Variants in CCDC171 observed in about 807,000 individuals in gnomAD.
CCDC171 encodes the protein coiled-coil domain-containing protein 171.
Under a neutral mutation model 168.2 loss-of-function variants are expected in CCDC171, and 177 were observed. That is an observed-to-expected ratio of 1.05 (90% CI 0.93 to 1.19). CCDC171 has a LOEUF of 1.19. CCDC171 is among the 50% of genes most tolerant of loss of function. CCDC171 has a pLI of 0.00. For missense variants in CCDC171, 1,991 were observed against 1,539.0 expected, an observed-to-expected ratio of 1.29 and a Z score of -4.91; for synonymous variants, 687 against 540.8, an observed-to-expected ratio of 1.27 and a Z score of -3.75.
At chr9:15,776,129 T>G (rs184389581) in intron 18 of CCDC171, 35 of 152,262 alleles carry the variant, frequency 2.3e-4, no homozygotes, top group African/African-American at 8.4e-4. Context: ...CTTAGTTCTT[T>G]TTCATCCATT....
chr9:15,860,332 G>A (rs75012625), intron 23 of CCDC171, among the ~76,000 whole-genome samples: 6,354 of 149,818 alleles, frequency 0.042, 316 homozygotes, highest in South Asian at 0.12. Context: ...TCTTCTTCTC[G>A]TTCGTTGAGG....
chr9:15,982,726 G>A (rs961301243), intron 3 of CCDC171, among the ~76,000 whole-genome samples: 15 of 152,022 alleles, frequency 9.9e-5, no homozygotes, highest in African/African-American at 3.6e-4. Context: ...CATGACCCAG[G>A]CATGGTCACT....
chr9:15,665,747 C>T (rs1446427458), intron 8 of CCDC171, among the ~76,000 whole-genome samples: 1 of 152,208 alleles, frequency 6.6e-6, no homozygotes, highest in Non-Finnish European at 1.5e-5. Context: ...CACTACTGCA[C>T]TTCAGCCTGG....
intron 25 of CCDC171, among the ~76,000 whole-genome samples, chr9:15,933,777 G>T (rs1050744456): frequency 1.3e-5 from 2 of 151,680 alleles, no homozygotes; most frequent in African/African-American, 4.8e-5. Context: ...AAGTCAAAAT[G>T]GATTAAAAAC....
At chr9:15,814,118 G>C (rs577571764) in intron 21 of CCDC171, among the ~76,000 whole-genome samples, 1 of 152,290 alleles carries the variant, frequency 6.6e-6, no homozygotes, top group South Asian at 2.1e-4. Flanking sequence ...AATTTTGTCA[G>C]TTATAGAGAA....
intron 19 of CCDC171, 103 bp downstream of exon 19, chr9:15,777,929 T>A: frequency 1.4e-6 from 1 of 720,040 alleles, no homozygotes; most frequent in Non-Finnish European, 2.1e-6. Flanking sequence ...TGAATGTATC[T>A]GGATTTTCTT....
chr9:15,810,087 C>T (rs1184071103), intron 21 of CCDC171, among the ~76,000 whole-genome samples: 2 of 152,130 alleles, frequency 1.3e-5, no homozygotes, highest in Non-Finnish European at 2.9e-5. Flanking sequence ...GAGCTAGACA[C>T]AGAGTGCTGA....
In CCDC171 at chr9:15,623,352, G is replaced by T. The variant is rs569754263; in HGVS notation, c.761G>T (p.Arg254Leu). Residue 254 changes from arginine to leucine, a missense_variant, in exon 7 of 26, where the codon CGA becomes CTA. Coordinates refer to ENST00000380701, the MANE Select transcript of CCDC171 (RefSeq NM_173550.4). ...EHMDCSDLLR[R>L]QTSELEFSTQ... ...ATGGACTGCTCTGACCTTTTACGGC[G>T]ACAAACAAGTGAACTTGAATTTAGC... is the stretch of plus-strand genomic sequence containing the variant. The T allele has an allele frequency of 6.2e-7, 1 of 1,611,766 alleles. No individual in the cohort carries two copies. Among genetic ancestry groups the T allele is most frequent in the South Asian group, 1.1e-5 (1 of 90,656 alleles).
At position 15,971,794 on chromosome 9, in the gene CCDC171, T is replaced by A. The variant is rs1831387119; in HGVS notation, c.3939T>A (p.Thr1313=). ...CATCATCTCACTCCTCTCCAGTGAC[T>A]ATGTCTGCTAATGCCAACAGACCAA... The part of the protein sequence containing the change: ...ALTSSHSSPV[T]MSANANRPTQ... The change falls in exon 26 of 26, where the codon ACT becomes ACA. Residue 1313 remains threonine (T), a synonymous_variant. Transcript: ENST00000380701. 2 of 1,613,974 alleles carry A rather than the reference T, an allele frequency of 1.2e-6. No individual in the cohort carries two copies. The highest frequency in any genetic ancestry group is 1.7e-6 in the Non-Finnish European group (2 of 1,179,866).
At chr9:15,957,110 A>G (rs763183193) in intron 25 of CCDC171, among the ~76,000 whole-genome samples, 4 of 151,460 alleles carry the variant, frequency 2.6e-5, no homozygotes, top group Non-Finnish European at 5.9e-5. Flanking sequence ...TGGAATGACT[A>G]AACTGTAGCC....
chr9:15,905,172 C>T (rs11521290), intron 24 of CCDC171, among the ~76,000 whole-genome samples: 41,615 of 145,548 alleles, frequency 0.29, 5,319 homozygotes, highest in Admixed American at 0.34. Context: ...CCAAGCAGAC[C>T]TAATAGACAT....
At chr9:16,100,757 G>A in the CCDC171 span, among the ~76,000 whole-genome samples, 2 of 152,182 alleles carry the variant, frequency 1.3e-5, no homozygotes, top group Non-Finnish European at 2.9e-5. Context: ...CTCTTCTGCT[G>A]GTTCAGGGGA....
At chr9:15,865,696 G>A (rs1030855209) in intron 23 of CCDC171, among the ~76,000 whole-genome samples, 4 of 151,864 alleles carry the variant, frequency 2.6e-5, no homozygotes, top group Non-Finnish European at 1.5e-5. Context: ...CACAAAATAT[G>A]TGTTAATCAA....
At chr9:16,008,259 G>A (rs1196876148) in intron 3 of CCDC171, among the ~76,000 whole-genome samples, 2 of 152,102 alleles carry the variant, frequency 1.3e-5, no homozygotes, top group Non-Finnish European at 2.9e-5. Context: ...TTTAAAAGAT[G>A]TGAGGTAAGA....
chr9:15,649,490 A>G (rs1050477865), intron 7 of CCDC171, among the ~76,000 whole-genome samples: 6 of 152,210 alleles, frequency 3.9e-5, no homozygotes, highest in Non-Finnish European at 8.8e-5. Context: ...AATTTTTGGA[A>G]TCTACTCATC....
At chr9:15,886,109 A>G (rs1819362416) in intron 24 of CCDC171, 1 of 152,148 alleles carries the variant, frequency 6.6e-6, no homozygotes, top group Admixed American at 6.6e-5. Flanking sequence ...GTCTTACAAC[A>G]TGCACAATAA....
At chr9:15,983,490 G>A (rs1333189304) in intron 3 of CCDC171, among the ~76,000 whole-genome samples, 2 of 138,238 alleles carry the variant, frequency 1.4e-5, no homozygotes, top group African/African-American at 4.9e-5. Flanking sequence ...TTGTGTGTGT[G>A]TGTGTGTGTG....
intron 3 of CCDC171, among the ~76,000 whole-genome samples, chr9:15,991,786 G>C (rs1413390340): frequency 2.0e-5 from 3 of 152,148 alleles, no homozygotes; most frequent in Non-Finnish European, 1.5e-5. Flanking sequence ...TACCATCAGA[G>C]AATACTATAA....
chr9:15,762,200 C>T (rs1425596144), intron 18 of CCDC171, among the ~76,000 whole-genome samples: 1 of 143,830 alleles, frequency 7.0e-6, no homozygotes, highest in Non-Finnish European at 1.5e-5. Context: ...TATCCAGATA[C>T]TGTCTAACAA....
Sources: allele counts gnomAD v4.1 joint callset (sites outside exome capture counted in the v4.1 genomes callset), GRCh38; gene constraint gnomAD v4.1.1; transcripts MANE v1.5; gene names NCBI Gene and HGNC (gene_info 2026-07-23, HGNC 2026-07-21).